Variants in PLXNA1 observed in about 807,000 individuals in gnomAD.
PLXNA1 encodes plexin-A1.
A neutral mutation model predicts 191.7 loss-of-function variants in PLXNA1; 77 were observed. The ratio of observed to expected loss-of-function variants is 0.40; its 90% CI spans 0.33 to 0.49. PLXNA1 has a LOEUF of 0.49. Among genes scored for constraint, PLXNA1 ranks in the 20% least tolerant of loss-of-function variants. The pLI is 0.63. For synonymous variants in PLXNA1, 1,137 were observed against 1,156.4 expected, an observed-to-expected ratio of 0.98 and a Z score of 0.34; for missense variants, 2,110 against 2,660.2, an observed-to-expected ratio of 0.79 and a Z score of 4.55.
chr3:127,017,805 C>T lies in PLXNA1; in HGVS notation c.3573C>T (p.Leu1191=). The T allele has an allele frequency of 6.2e-7, 1 of 1,613,208 alleles. No homozygotes were observed. The highest frequency in any genetic ancestry group is 1.7e-5 in the Admixed American group (1 of 60,034). ...PGNSRLNYTV[L]IGSTPCTLTV... ...ACTCCCGACTCAACTACACGGTGCT[C>T]ATCGGCTCCACACCCTGTACCCTCA... The change falls in exon 19 of 32, where the codon CTC becomes CTT. Residue 1191 remains leucine, a synonymous_variant. Coordinates refer to ENST00000393409, the MANE Select transcript of PLXNA1 (RefSeq NM_032242.4).
At position 127,020,989 on chromosome 3, in the gene PLXNA1, G is replaced by C. The variant is rs376373254; in HGVS notation, c.4038+645G>C. Among the ~76,000 whole-genome samples the C allele has an allele frequency of 1.2e-3, 181 of 152,344 alleles. 1 individual carries two copies. Among genetic ancestry groups the C allele is most frequent in the African/African-American group, 4.1e-3 (172 of 41,596 alleles). ...ACCCCTAAAAGGCCCCCAGCGGCAG[G>C]CAGGCTAGGAGCCAGTCCTTGGCGA... is the stretch of plus-strand genomic sequence containing the variant. On this transcript the variant is annotated intron_variant, in intron 21 of 31. Transcript: ENST00000393409.
intron 31 of PLXNA1, among the ~76,000 whole-genome samples, chr3:127,033,390 G>A (rs2079222599): frequency 1.3e-5 from 2 of 152,212 alleles, no homozygotes; most frequent in Non-Finnish European, 2.9e-5. Context: ...GGCCACGGGA[G>A]TGAACCAGAG....
At chr3:127,001,704 G>C (rs998505611) in intron 3 of PLXNA1, among the ~76,000 whole-genome samples, 1 of 152,254 alleles carries the variant, frequency 6.6e-6, no homozygotes, top group Non-Finnish European at 1.5e-5. Context: ...CGCTGGCTTG[G>C]ATGTGTGGTT....
intron 3 of PLXNA1, among the ~76,000 whole-genome samples, chr3:126,992,239 G>A (rs1377260204): frequency 6.6e-6 from 1 of 152,170 alleles, no homozygotes; most frequent in African/African-American, 2.4e-5. Flanking sequence ...GGGTGGAGGG[G>A]AGCTGCCTGG....
chr3:127,024,623 G>T (rs1013950756), intron 23 of PLXNA1, among the ~76,000 whole-genome samples: 1 of 152,132 alleles, frequency 6.6e-6, no homozygotes, highest in African/African-American at 2.4e-5. Context: ...TGTTAGTGGG[G>T]TACCAGTGTC....
Position 127,022,096 on chromosome 3 carries a change from T to C in PLXNA1, c.4050T>C (p.Asn1350=), listed in dbSNP as rs938995118. The C allele has an allele frequency of 6.2e-6, 10 of 1,612,338 alleles. No individual in the cohort carries two copies. In the African/African-American group the frequency reaches 8.0e-5, roughly 13 times the overall value. The change falls in exon 22 of 32, where the codon AAT becomes AAC. Residue 1350 remains asparagine (N), a synonymous_variant. Transcript: ENST00000393409. ...PVLKEMEVQA[N]VEKSLTLFGQ... ...GTGTGCTCCCTCAGGTGCAGGCCAA[T>C]GTGGAGAAGTCGCTGACACTGTTCG... is the stretch of plus-strand genomic sequence containing the variant.
intron 7 of PLXNA1, among the ~76,000 whole-genome samples, 169 bp downstream of exon 7, chr3:127,005,412 A>G (rs1160168496): frequency 6.6e-6 from 1 of 152,084 alleles, no homozygotes; most frequent in Admixed American, 6.5e-5. Flanking sequence ...GAGTGGAGAA[A>G]ACCCTCCAGG....
chr3:127,029,721 C>T (rs750975481), intron 27 of PLXNA1, among the ~76,000 whole-genome samples, 153 bp from the exon 28 acceptor site: 6 of 152,204 alleles, frequency 3.9e-5, no homozygotes, highest in East Asian at 1.9e-4. Context: ...ACTGTGTGTC[C>T]GTACACAATT....
At chr3:127,016,903 C>T (rs371252762) in intron 16 of PLXNA1, 41 bp from the exon 17 acceptor site, 16 of 1,542,318 alleles carry the variant, frequency 1.0e-5, no homozygotes, top group Middle Eastern at 3.4e-4. Context: ...CACTGGGCCC[C>T]AGCATCATTT....
chr3:127,027,418 G>A (rs1200620721), intron 23 of PLXNA1: 1 of 358,622 alleles, frequency 2.8e-6, no homozygotes, highest in Non-Finnish European at 5.5e-6. Flanking sequence ...GTGTCCCAGA[G>A]TAATATGGGG....
At position 127,017,435 on chromosome 3, in the gene PLXNA1, T is replaced by G; in HGVS notation, c.3287T>G (p.Val1096Gly). The change falls in exon 18 of 32, where the codon GTG becomes GGG. Residue 1096 changes from valine (V) to glycine (G), a missense_variant. By Grantham distance (109) the Val-to-Gly change is moderately radical. Coordinates refer to ENST00000393409, the MANE Select transcript of PLXNA1 (RefSeq NM_032242.4). ...GGIERENGCL[V>G]YNDTTMVCRA... ...ACCCTGTGTCTCCAGGGCTGCCTGG[T>G]GTACAATGACACCACCATGGTATGC... is the stretch of plus-strand genomic sequence containing the variant. 3.1e-6 allele frequency: 5 copies of G among 1,612,604 alleles called. No individual in the cohort carries two copies. The highest frequency in any genetic ancestry group is 4.2e-6 in the Non-Finnish European group (5 of 1,179,804).
chr3:127,004,573 G>T, intron 4 of PLXNA1, 38 bp from the exon 5 acceptor site: 1 of 1,431,052 alleles, frequency 7.0e-7, no homozygotes, highest in East Asian at 2.5e-5. Context: ...GGACCCCTGG[G>T]GTGGTACTGG....
At position 127,017,681 on chromosome 3, in the gene PLXNA1, C is replaced by A; in HGVS notation, c.3516+17C>A. ...ATCCTCAAGGTGGGTCACCATTGCC[C>A]GTAGGCTGGGCCAAGCCAGGGAAGA... On this transcript the variant is annotated intron_variant, in intron 18 of 31. Coordinates refer to ENST00000393409, the MANE Select transcript of PLXNA1 (RefSeq NM_032242.4). 1 of 1,613,250 alleles carries A rather than the reference C, an allele frequency of 6.2e-7. No individual in the cohort carries two copies. Among genetic ancestry groups the A allele is most frequent in the South Asian group, 1.1e-5 (1 of 91,082 alleles).
Position 127,016,349 on chromosome 3 carries a change from G to A in PLXNA1, c.3015-168G>A, listed in dbSNP as rs865908672. Among the ~76,000 whole-genome samples, 15 of 152,272 alleles carry A rather than the reference G, an allele frequency of 9.9e-5. 1 individual carries two copies. Among genetic ancestry groups the A allele is most frequent in the Middle Eastern group, 6.8e-3 (2 of 294 alleles). ...GGGCTGGGAGCCAGGGCGAGGGTAG[G>A]ACAGACATGCACAGCCCTGGGAGGG... On this transcript the variant is annotated intron_variant, in intron 15 of 31. Transcript: ENST00000393409.
chr3:127,016,984 A>G lies in PLXNA1; in HGVS notation c.3223A>G (p.Thr1075Ala). Residue 1075 changes from threonine to alanine, a missense_variant, in exon 17 of 32, where the codon ACT becomes GCT. Physicochemically the swap from Thr to Ala is moderately conservative, Grantham distance 58. Transcript: ENST00000393409. ...LLTVTGTNLATVREPRIRAKY... is the reference protein window; with the variant it reads ...LLTVTGTNLAAVREPRIRAKY... ...GACGGTCACAGGCACCAACCTGGCC[A>G]CTGTCCGTGAACCCCGAATCCGGGC... 6.2e-7 allele frequency: 1 copy of G among 1,613,422 alleles called. No individual in the cohort carries two copies. The highest frequency in any genetic ancestry group is 8.5e-7 in the Non-Finnish European group (1 of 1,179,908).
At position 127,014,480 on chromosome 3, in the gene PLXNA1, G is replaced by A; in HGVS notation, c.2607G>A (p.Leu869=). The part of the protein sequence containing the change: ...SRCTDPKILK[L]SPETGPRQGG... ...ACCCCAGCCTCTGCCTCCCTCAGCT[G>A]TCCCCCGAGACGGGCCCGAGGCAGG... Residue 869 remains leucine, a splice_region_variant and synonymous_variant, in exon 13 of 32, where the codon CTG becomes CTA. Transcript: ENST00000393409. The A allele has an allele frequency of 1.2e-6, 2 of 1,601,906 alleles. No homozygotes were observed. Among genetic ancestry groups the A allele is most frequent in the Non-Finnish European group, 1.7e-6 (2 of 1,179,464 alleles).
intron 3 of PLXNA1, among the ~76,000 whole-genome samples, chr3:127,002,457 C>G (rs1207572600): frequency 6.6e-6 from 1 of 152,248 alleles, no homozygotes; most frequent in African/African-American, 2.4e-5. Context: ...CTGCCCTGGA[C>G]CTGCCCTGCT....
At chr3:126,992,666 G>A (rs1302374276) in intron 3 of PLXNA1, among the ~76,000 whole-genome samples, 1 of 152,046 alleles carries the variant, frequency 6.6e-6, no homozygotes, top group Admixed American at 6.5e-5. Context: ...GGCCCGTGGG[G>A]GCCCAGCTGC....
At chr3:127,022,443 C>G in intron 22 of PLXNA1, 102 bp downstream of exon 22, 1 of 1,453,562 alleles carries the variant, frequency 6.9e-7, no homozygotes, top group Non-Finnish European at 9.3e-7. Context: ...GCAGTTCCCA[C>G]CGGGCAGGGG....
Sources: allele counts gnomAD v4.1 joint callset (sites outside exome capture counted in the v4.1 genomes callset), GRCh38; gene constraint gnomAD v4.1.1; transcripts MANE v1.5; gene names NCBI Gene and HGNC (gene_info 2026-07-23, HGNC 2026-07-21).